The following CAMK2D variants were observed in gnomAD, a reference collection of about 807,000 sequenced individuals.
The protein encoded by CAMK2D is calcium/calmodulin-dependent protein kinase type II subunit delta.
In CAMK2D, 37 loss-of-function variants were observed where a neutral mutation model predicts 84.0. That is an observed-to-expected ratio of 0.44 (90% CI 0.34 to 0.58). The LOEUF is 0.58. Ranked by LOEUF, CAMK2D falls within the 20% of genes least tolerant of loss-of-function variation. The probability of loss-of-function intolerance (pLI) is 0.02; values close to 1 mark genes in which losing one functional copy is unlikely to be tolerated. For missense variants in CAMK2D, 448 were observed against 652.5 expected (o/e 0.69, Z 3.41); for synonymous variants, 202 against 212.5 (o/e 0.95, Z 0.43).
At chr4:113,641,587 A>G (rs1249155007) in intron 3 of CAMK2D, among the ~76,000 whole-genome samples, 1 of 152,244 alleles carries the variant, frequency 6.6e-6, no homozygotes, top group African/African-American at 2.4e-5. Context: ...ACAGAGTTTA[A>G]TAGAAAGTTC....
In CAMK2D at chr4:113,522,813, T is replaced by A. The variant is rs550077595; in HGVS notation, c.602-5156A>T. Among the ~76,000 whole-genome samples, 4 of 152,316 alleles carry A rather than the reference T, an allele frequency of 2.6e-5. No homozygotes were observed. In the East Asian group the frequency reaches 7.7e-4, roughly 29 times the overall value. ...GATAAATAATTAACATCAACACTCA[T>A]AAGAATAAAATGTCCGCATGTCTGA... On this transcript the variant is annotated intron_variant, in intron 8 of 20. Transcript: ENST00000511664.
chr4:113,756,938 T>C (rs2099629896), intron 2 of CAMK2D, among the ~76,000 whole-genome samples: 1 of 152,124 alleles, frequency 6.6e-6, no homozygotes, highest in African/African-American at 2.4e-5. Flanking sequence ...GTTGACCATT[T>C]TGAAGGAAAA....
At chr4:113,741,357 C>CA (rs1421370797) in intron 2 of CAMK2D, among the ~76,000 whole-genome samples, 1 of 152,140 alleles carries the variant, frequency 6.6e-6, no homozygotes, top group Non-Finnish European at 1.5e-5. Context: ...TGTCGCACTT[C>CA]AAACTGCAAA....
intron 3 of CAMK2D, among the ~76,000 whole-genome samples, chr4:113,661,292 C>T (rs1253908436): frequency 6.6e-6 from 1 of 150,552 alleles, no homozygotes; most frequent in East Asian, 2.0e-4. Context: ...TTTCATTATA[C>T]GACTCTACAG....
chr4:113,747,319 T>TTA (rs1554093408), intron 2 of CAMK2D, among the ~76,000 whole-genome samples: 1 of 147,262 alleles, frequency 6.8e-6, no homozygotes, highest in Non-Finnish European at 1.5e-5. Flanking sequence ...TTTTTTTTTT[T>TTA]AAATTCAATA....
intron 3 of CAMK2D, among the ~76,000 whole-genome samples, chr4:113,618,704 T>A (rs1005794062): frequency 6.6e-6 from 1 of 152,298 alleles, no homozygotes; most frequent in Non-Finnish European, 1.5e-5. Context: ...TTCTCCTGGA[T>A]AATACATGCA....
intron 4 of CAMK2D, among the ~76,000 whole-genome samples, chr4:113,581,497 G>C (rs1268607063): frequency 9.3e-6 from 1 of 107,332 alleles, no homozygotes; most frequent in Non-Finnish European, 1.8e-5. Context: ...TGGCCAATGA[G>C]AGCAAAACTT....
At chr4:113,469,277 T>C (rs2097517615) in intron 16 of CAMK2D, among the ~76,000 whole-genome samples, 1 of 152,242 alleles carries the variant, frequency 6.6e-6, no homozygotes, top group Non-Finnish European at 1.5e-5. Context: ...CAGTGATTAT[T>C]TCTTGGTTTA....
At chr4:113,531,847 G>C (rs1041135382) in intron 7 of CAMK2D, among the ~76,000 whole-genome samples, 1 of 152,060 alleles carries the variant, frequency 6.6e-6, no homozygotes, top group Non-Finnish European at 1.5e-5. Context: ...GATGGGGAAA[G>C]AAAACTTCAT....
At chr4:113,603,334 G>C (rs901825193) in intron 4 of CAMK2D, among the ~76,000 whole-genome samples, 12 of 148,436 alleles carry the variant, frequency 8.1e-5, no homozygotes, top group African/African-American at 3.0e-4. Context: ...TTAGCATTAG[G>C]TATATCTCCT....
In CAMK2D at chr4:113,654,591, C is replaced by T. The variant is rs1159203282; in HGVS notation, c.220+7122G>A. Reference sequence around the variant, plus strand: ...ATTTGAACCAAAAACAACCTCAAAACTCTCCTCAAAAGGGAACAAAAACAT... The same window carrying T: ...ATTTGAACCAAAAACAACCTCAAAATTCTCCTCAAAAGGGAACAAAAACAT... On this transcript the variant is annotated intron_variant, in intron 3 of 20. Transcript: ENST00000511664. 2.6e-5 allele frequency among the ~76,000 whole-genome samples: 4 copies of T among 152,098 alleles called. No individual in the cohort carries two copies. The East Asian group carries it at 7.7e-4, about 29-fold the overall frequency.
intron 3 of CAMK2D, among the ~76,000 whole-genome samples, chr4:113,625,912 G>A (rs974375913): frequency 5.3e-5 from 8 of 152,012 alleles, no homozygotes; most frequent in African/African-American, 1.4e-4. Flanking sequence ...CACTCTAGAG[G>A]CTAAGGTGGG....
chr4:113,502,523 A>AC (rs1230111246), intron 15 of CAMK2D, among the ~76,000 whole-genome samples: 1 of 133,064 alleles, frequency 7.5e-6, no homozygotes, highest in Non-Finnish European at 1.7e-5. Context: ...ACACTAAACA[A>AC]AAAAAAAAAC....
chr4:113,609,253 G>A (rs1561328789), intron 3 of CAMK2D, 47 bp from the exon 4 acceptor site: 5 of 984,216 alleles, frequency 5.1e-6, no homozygotes, highest in Non-Finnish European at 4.9e-6. Flanking sequence ...CTATTCCAAC[G>A]ATCAACGTTA....
chr4:113,699,525 C>T (rs749888853), intron 2 of CAMK2D, among the ~76,000 whole-genome samples: 70 of 152,266 alleles, frequency 4.6e-4, no homozygotes, highest in Non-Finnish European at 7.6e-4. Flanking sequence ...CTCTGCCCCA[C>T]TTTCCAGTCA....
At chr4:113,585,617 T>A (rs1403146528) in intron 4 of CAMK2D, among the ~76,000 whole-genome samples, 3 of 151,976 alleles carry the variant, frequency 2.0e-5, no homozygotes, top group African/African-American at 7.2e-5. Flanking sequence ...AAATATGCAA[T>A]CTTACAGTGT....
At chr4:113,746,689 G>C (rs1458247791) in intron 2 of CAMK2D, among the ~76,000 whole-genome samples, 1 of 151,978 alleles carries the variant, frequency 6.6e-6, no homozygotes. Context: ...CAGAAAAGTA[G>C]GTCTCAATCC....
intron 6 of CAMK2D, among the ~76,000 whole-genome samples, chr4:113,543,757 C>G (rs1484814049): frequency 6.7e-6 from 1 of 149,714 alleles, no homozygotes; most frequent in Non-Finnish European, 1.5e-5. Flanking sequence ...AAGAATCTAT[C>G]TATCTATCAA....
intron 16 of CAMK2D, among the ~76,000 whole-genome samples, chr4:113,477,054 T>C (rs2097636315): frequency 6.6e-6 from 1 of 152,136 alleles, no homozygotes; most frequent in Admixed American, 6.6e-5. Context: ...ACATGTCCTG[T>C]CTTCCTGCTT....
Sources: gnomAD v4.1 joint callset for allele counts (sites outside exome capture counted in the v4.1 genomes callset) on GRCh38, gnomAD v4.1.1 for gene constraint, MANE v1.5 for transcripts, NCBI Gene and HGNC (gene_info 2026-07-23, HGNC 2026-07-21) for gene names.